ADARB2: variants seen among roughly 807,000 people sequenced by gnomAD.
ADARB2 encodes the protein inactive double-stranded RNA-specific editase B2.
Under a neutral mutation model 62.2 loss-of-function variants are expected in ADARB2, and 25 were observed. The ratio of observed to expected loss-of-function variants is 0.40; its 90% CI spans 0.29 to 0.56. ADARB2 has a LOEUF of 0.56. Ranked by LOEUF, ADARB2 falls within the 20% of genes least tolerant of loss-of-function variation. The probability of loss-of-function intolerance (pLI) is 0.43; values close to 1 mark genes in which losing one functional copy is unlikely to be tolerated. For synonymous variants in ADARB2, 572 were observed against 500.8 expected (o/e 1.14, Z -1.90); for missense variants, 1,071 against 1,077.4 (o/e 0.99, Z 0.08).
chr10:1,481,421 G>T (rs1413639198), intron 1 of ADARB2, among the ~76,000 whole-genome samples: 2 of 152,176 alleles, frequency 1.3e-5, no homozygotes, highest in Non-Finnish European at 2.9e-5. Flanking sequence ...GACACCAAAA[G>T]CATAGGTGAT....
chr10:1,725,410 C>T (rs1835151025), intron 1 of ADARB2, among the ~76,000 whole-genome samples: 1 of 152,192 alleles, frequency 6.6e-6, no homozygotes, highest in African/African-American at 2.4e-5. Context: ...AAAAATACAT[C>T]AGAATAAATC....
At chr10:1,598,674 C>A (rs1833368025) in intron 1 of ADARB2, among the ~76,000 whole-genome samples, 1 of 152,176 alleles carries the variant, frequency 6.6e-6, no homozygotes, top group South Asian at 2.1e-4. Flanking sequence ...GCAGGAGGAG[C>A]CCACAGAAGA....
intron 1 of ADARB2, among the ~76,000 whole-genome samples, chr10:1,692,520 G>A (rs1834686915): frequency 6.6e-6 from 1 of 152,162 alleles, no homozygotes; most frequent in African/African-American, 2.4e-5. Flanking sequence ...TCAAGGCATA[G>A]AATGTTAGGA....
intron 7 of ADARB2, among the ~76,000 whole-genome samples, chr10:1,215,363 C>A (rs1053092202): frequency 6.6e-6 from 1 of 152,240 alleles, no homozygotes; most frequent in African/African-American, 2.4e-5. Flanking sequence ...CGTTCTCTCC[C>A]CAGATCGTGC....
chr10:1,703,299 G>T (rs1441643470), intron 1 of ADARB2, among the ~76,000 whole-genome samples: 1 of 152,138 alleles, frequency 6.6e-6, no homozygotes, highest in African/African-American at 2.4e-5. Flanking sequence ...GATGAGGAGG[G>T]TGACATTTTA....
chr10:1,562,960 C>T (rs1215164927), intron 1 of ADARB2, among the ~76,000 whole-genome samples: 1 of 152,246 alleles, frequency 6.6e-6, no homozygotes, highest in African/African-American at 2.4e-5. Context: ...ATCTCTCAGC[C>T]AGAAAGAAGC....
intron 1 of ADARB2, among the ~76,000 whole-genome samples, chr10:1,597,882 A>G (rs892673082): frequency 6.6e-6 from 1 of 152,258 alleles, no homozygotes; most frequent in African/African-American, 2.4e-5. Context: ...AGTGTCCATC[A>G]GCAATGCACT....
At chr10:1,396,646 A>T (rs1351711948) in intron 1 of ADARB2, among the ~76,000 whole-genome samples, 6 of 145,816 alleles carry the variant, frequency 4.1e-5, no homozygotes, top group Non-Finnish European at 9.0e-5. Context: ...TTCCTGGGTC[A>T]CTGTCCTCCT....
chr10:1,363,994 G>T (rs1056728135), intron 2 of ADARB2, 77 bp from the exon 3 acceptor site: 13 of 1,393,236 alleles, frequency 9.3e-6, no homozygotes, highest in Admixed American at 3.4e-5. Context: ...ACTCCCTGAG[G>T]GTCCCCGTCC....
chr10:1,206,371 GCGTCTCCTTGAACTGGGA>G (rs1341162499), intron 7 of ADARB2, among the ~76,000 whole-genome samples: 8 of 151,808 alleles, frequency 5.3e-5, no homozygotes, highest in South Asian at 2.1e-4. Flanking sequence ...GAGAACTGGG[GCGTCTCCTTGAACTGGGA>G]CGTCTCCTCC....
intron 1 of ADARB2, among the ~76,000 whole-genome samples, chr10:1,577,573 T>C (rs897060920): frequency 2.6e-5 from 4 of 152,234 alleles, no homozygotes; most frequent in African/African-American, 9.6e-5. Flanking sequence ...CGACCAGGGC[T>C]GGCAGCTGTG....
chr10:1,249,546 ACT>A (rs1278238442), intron 4 of ADARB2, among the ~76,000 whole-genome samples: 1 of 152,062 alleles, frequency 6.6e-6, no homozygotes, highest in Non-Finnish European at 1.5e-5. Flanking sequence ...TTGATAAAAC[ACT>A]GAGTTTTTAT....
intron 1 of ADARB2, among the ~76,000 whole-genome samples, chr10:1,627,402 C>T (rs569793149): frequency 1.3e-4 from 20 of 151,810 alleles, no homozygotes; most frequent in South Asian, 6.3e-4. Flanking sequence ...AATTTTTTTT[C>T]TCTCTCTCTC....
chr10:1,495,652 A>T (rs1274816635), intron 1 of ADARB2, among the ~76,000 whole-genome samples: 1 of 66,732 alleles, frequency 1.5e-5, no homozygotes, highest in Non-Finnish European at 4.1e-5. Flanking sequence ...GATGAAAAGT[A>T]CAAACTTTTC....
intron 2 of ADARB2, among the ~76,000 whole-genome samples, chr10:1,366,726 C>T (rs917540967): frequency 1.3e-5 from 2 of 152,172 alleles, no homozygotes; most frequent in African/African-American, 4.8e-5. Context: ...TGTACAGTAA[C>T]ACCCTTTTCT....
rs1322157435 is a variant in ADARB2, at chr10:1,178,831, G to A, written c.*4362C>T. On this transcript the variant is annotated 3_prime_UTR_variant, in exon 10 of 10. Coordinates refer to ENST00000381312, the MANE Select transcript of ADARB2 (RefSeq NM_018702.4). ...TCTGCAGCCTCCCTGAGGGCCGCGG[G>A]AAGCCCACAGAGCCTCACCGGGTTC... The A allele has an allele frequency of 1.3e-5, 2 of 152,188 alleles. No individual in the cohort carries two copies. The highest frequency in any genetic ancestry group is 3.9e-4 in the East Asian group (2 of 5,192). 9.4% of individuals were successfully genotyped at this position (152,188 alleles called of 1,614,324 possible).
Position 1,737,259 on chromosome 10 carries a change from C to T in ADARB2, c.-109G>A. The T allele has an allele frequency of 8.8e-7, 1 of 1,137,046 alleles. No individual in the cohort carries two copies. Among genetic ancestry groups the T allele is most frequent in the South Asian group, 1.3e-5 (1 of 77,358 alleles). The allele number at this position is 1,137,046 out of a possible 1,614,324, so 70.4% of individuals were successfully genotyped here. A position where few individuals can be genotyped will look rare whatever the true frequency, so the allele number is the denominator to read the frequency against. The stretch of plus-strand genomic sequence containing the variant: ...GCTGCGAAGCTTGAGGTTGCAAACC[C>T]GGGAGCGGCTCACTTTTCAGGACTG... On this transcript the variant is annotated 5_prime_UTR_variant, in exon 1 of 10. Transcript: ENST00000381312.
At chr10:1,216,836 G>T in intron 7 of ADARB2, 115 bp downstream of exon 7, 1 of 1,350,694 alleles carries the variant, frequency 7.4e-7, no homozygotes, top group South Asian at 1.4e-5. Flanking sequence ...ACAGGGCCCT[G>T]ACCGCATGTG....
At chr10:1,736,251 T>C (rs1835299106) in intron 1 of ADARB2, among the ~76,000 whole-genome samples, 1 of 152,208 alleles carries the variant, frequency 6.6e-6, no homozygotes, top group South Asian at 2.1e-4. Flanking sequence ...ACTGGGGGCA[T>C]TGCTCTCATA....
Sources: allele counts gnomAD v4.1 joint callset (sites outside exome capture counted in the v4.1 genomes callset), GRCh38; gene constraint gnomAD v4.1.1; transcripts MANE v1.5; gene names NCBI Gene and HGNC (gene_info 2026-07-23, HGNC 2026-07-21).